Variants in SYT11 observed in about 807,000 individuals in gnomAD.
The protein encoded by SYT11 is synaptotagmin 11, also known as synaptotagmin-11.
In SYT11, 12 loss-of-function variants were observed where a neutral mutation model predicts 30.4. That is an observed-to-expected ratio of 0.39 (90% CI 0.25 to 0.64). The LOEUF is 0.64. Among genes scored for constraint, SYT11 ranks in the 30% least tolerant of loss-of-function variants. The pLI, the probability that SYT11 is intolerant of heterozygous loss-of-function variation, is 0.45. For missense variants in SYT11, 412 were observed against 552.0 expected, an observed-to-expected ratio of 0.75 and a Z score of 2.54; for synonymous variants, 204 against 216.0, an observed-to-expected ratio of 0.94 and a Z score of 0.49.
Position 155,859,723 on chromosome 1 carries a change from C to A in SYT11, c.-39C>A. The A allele has an allele frequency of 6.2e-7, 1 of 1,609,504 alleles. No homozygotes were observed. The highest frequency in any genetic ancestry group is 8.5e-7 in the Non-Finnish European group (1 of 1,175,772). On this transcript the variant is annotated 5_prime_UTR_variant, in exon 1 of 4. Transcript: ENST00000368324. ...CCGAGGGTTCCCAGAGCTGTCTCAC[C>A]ATTGCAAAAACGTTATAGCAACAGC...
At chr1:155,876,204 T>C (rs893123432) in intron 2 of SYT11, among the ~76,000 whole-genome samples, 11 of 151,836 alleles carry the variant, frequency 7.2e-5, no homozygotes, top group Non-Finnish European at 1.3e-4. Context: ...ATTTAACTTA[T>C]TATGTTCTAC....
chr1:155,868,143 C>T lies in SYT11; in HGVS notation c.213C>T (p.Asn71=). 1 of 1,614,080 alleles carries T rather than the reference C, an allele frequency of 6.2e-7. No homozygotes were observed. Among genetic ancestry groups the T allele is most frequent in the Non-Finnish European group, 8.5e-7 (1 of 1,180,020 alleles). ...GISIYPETLS[N]KKKIIKVRRD... Reference sequence around the variant, plus strand: ...GCATATACCCAGAGACCCTCAGCAACAAGAAGAAAATCATCAAAGTGCGGA... The same window carrying T: ...GCATATACCCAGAGACCCTCAGCAATAAGAAGAAAATCATCAAAGTGCGGA... Residue 71 remains asparagine, a synonymous_variant, in exon 2 of 4, where the codon AAC becomes AAT. Transcript: ENST00000368324. The surrounding 1 kb of genome is among the most constrained non-coding windows in gnomAD (Gnocchi z 4.7).
chr1:155,880,480 C>T lies in SYT11; in HGVS notation c.862-20C>T, dbSNP rs757924459. On this transcript the variant is annotated intron_variant, in intron 2 of 3. Coordinates refer to ENST00000368324, the MANE Select transcript of SYT11 (RefSeq NM_152280.5). ...CTGCACCCTCTGCCAGGATTCTCAC[C>T]TGCCATTTTTTCCTCACAGAAGTGC... The T allele has an allele frequency of 6.2e-7, 1 of 1,613,012 alleles. No homozygotes were observed. The highest frequency in any genetic ancestry group is 1.7e-5 in the Admixed American group (1 of 59,978).
chr1:155,880,427 C>A, intron 2 of SYT11, 73 bp from the exon 3 acceptor site: 1 of 1,579,572 alleles, frequency 6.3e-7, no homozygotes, highest in East Asian at 2.3e-5. Context: ...ACTCTTCCCA[C>A]TGCTCTGCAC....
Position 155,881,475 on chromosome 1 carries a change from T to C in SYT11, c.1263T>C (p.Pro421=), listed in dbSNP as rs745428450. 6.2e-7 allele frequency: 1 copy of C among 1,610,970 alleles called. No homozygotes were observed. Among genetic ancestry groups the C allele is most frequent in the South Asian group, 1.1e-5 (1 of 91,020 alleles). The change falls in exon 4 of 4, where the codon CCT becomes CCC. Residue 421 remains proline, a synonymous_variant. Coordinates refer to ENST00000368324, the MANE Select transcript of SYT11 (RefSeq NM_152280.5). ...AGGTCTGCGAGAGCCCCCGCAAGCC[T>C]GTGGCCAAGTGGCACAGTCTGAGCG... ...WREVCESPRK[P]VAKWHSLSEY
intron 1 of SYT11, 147 bp downstream of exon 1, chr1:155,859,942 G>A: frequency 1.3e-6 from 1 of 785,380 alleles, no homozygotes; most frequent in Non-Finnish European, 2.2e-6. Flanking sequence ...GGTGGGTAGT[G>A]GGTAGTGGGC....
chr1:155,879,214 C>T (rs185950886), intron 2 of SYT11, among the ~76,000 whole-genome samples: 4 of 151,994 alleles, frequency 2.6e-5, no homozygotes, highest in Non-Finnish European at 5.9e-5. Flanking sequence ...GTCAGGAGTT[C>T]GAGACCAGCC....
At chr1:155,877,390 C>T (rs1463154786) in intron 2 of SYT11, among the ~76,000 whole-genome samples, 2 of 151,994 alleles carry the variant, frequency 1.3e-5, no homozygotes, top group African/African-American at 4.8e-5. Flanking sequence ...AGTCGTGAGC[C>T]ACTGCGCCCA....
rs1468138183 is a variant in SYT11 at position 155,877,850 on chromosome 1, C to CCGGCTATAG, written c.862-2645_862-2637dup. Among the ~76,000 whole-genome samples, 2 of 152,258 alleles carry CCGGCTATAG rather than the reference C, an allele frequency of 1.3e-5. 1 individual carries two copies. ...GGATTACAGGCATGAGCCACTGCTC[C>CCGGCTATAG]CGGCTATAGCGGCCTCTTAACTGAG... On this transcript the variant is annotated intron_variant, in intron 2 of 3. Transcript: ENST00000368324.
chr1:155,867,895 A>G, intron 1 of SYT11, 70 bp from the exon 2 acceptor site: 1 of 1,173,002 alleles, frequency 8.5e-7, no homozygotes, highest in Non-Finnish European at 1.2e-6. Flanking sequence ...AGCAGTGGCA[A>G]TGAGCAGGGG....
rs1450512882 is a variant in SYT11, at chr1:155,880,542, C to T, written c.904C>T (p.Gln302Ter). The T allele has an allele frequency of 6.2e-7, 1 of 1,614,126 alleles. No individual in the cohort carries two copies. The highest frequency in any genetic ancestry group is 8.5e-7 in the Non-Finnish European group (1 of 1,179,982). Reference sequence around the variant, plus strand: ...GGAGCTCCAGGTGTCTCTGTCATATCAGCCTGTGGCACAGAGAATGACAGT... The same window carrying T: ...GGAGCTCCAGGTGTCTCTGTCATATTAGCCTGTGGCACAGAGAATGACAGT... ...RGELQVSLSY[Q>*]PVAQRMTVVV... Residue 302 changes from glutamine (Q) to a stop codon, truncating the protein, a stop_gained, in exon 3 of 4, where the codon CAG becomes TAG. Transcript: ENST00000368324. LOFTEE classifies it high-confidence loss of function.
intron 2 of SYT11, among the ~76,000 whole-genome samples, chr1:155,880,142 A>G (rs987021544): frequency 1.3e-5 from 2 of 152,178 alleles, no homozygotes; most frequent in African/African-American, 4.8e-5. Flanking sequence ...CAGTGAGCCA[A>G]GATCACGTCA....
At chr1:155,876,407 G>A (rs932083221) in intron 2 of SYT11, among the ~76,000 whole-genome samples, 2 of 151,640 alleles carry the variant, frequency 1.3e-5, no homozygotes, top group African/African-American at 4.8e-5. Context: ...CACCACGCCC[G>A]GCTAATTTTT....
chr1:155,879,823 G>C (rs1672932657), intron 2 of SYT11, among the ~76,000 whole-genome samples: 1 of 152,214 alleles, frequency 6.6e-6, no homozygotes, highest in Admixed American at 6.5e-5. Flanking sequence ...TATGTGGTAG[G>C]TACAACCTTT....
intron 1 of SYT11, among the ~76,000 whole-genome samples, chr1:155,865,983 A>C (rs78444759): frequency 0.036 from 5,543 of 152,282 alleles, 170 homozygotes; most frequent in South Asian, 0.065. Context: ...TGGACCTTTA[A>C]AGCCTAAACC....
chr1:155,870,056 G>T (rs1158920974), intron 2 of SYT11, among the ~76,000 whole-genome samples: 2 of 152,196 alleles, frequency 1.3e-5, no homozygotes, highest in Non-Finnish European at 1.5e-5. Context: ...GATTGCCCTT[G>T]AAGAGGTTTC....
rs759130814 is a variant in SYT11, at chr1:155,881,236, C to T, written c.1024C>T (p.Arg342Cys). 3 of 1,614,146 alleles carry T rather than the reference C, an allele frequency of 1.9e-6. No individual in the cohort carries two copies. The highest frequency in any genetic ancestry group is 2.2e-5 in the South Asian group (2 of 91,074). Residue 342 changes from arginine to cysteine, a missense_variant, in exon 4 of 4, where the codon CGC becomes TGC. Transcript: ENST00000368324. ...VKVNVYYGRK[R>C]IAKKKTHVKK... The stretch of plus-strand genomic sequence containing the variant: ...GGTGAACGTCTACTACGGCAGAAAG[C>T]GCATTGCCAAGAAGAAAACCCATGT...
intron 1 of SYT11, among the ~76,000 whole-genome samples, chr1:155,863,365 A>C (rs1672622190): frequency 6.6e-6 from 1 of 152,062 alleles, no homozygotes; most frequent in African/African-American, 2.4e-5. Flanking sequence ...GGGTAGTAAG[A>C]TTGCTTGAGC....
rs781147465 is a variant in SYT11 at position 155,880,521 on chromosome 1, C to G, written c.883C>G (p.Leu295Val). 1 of 1,613,948 alleles carries G rather than the reference C, an allele frequency of 6.2e-7. No homozygotes were observed. Among genetic ancestry groups the G allele is most frequent in the Non-Finnish European group, 8.5e-7 (1 of 1,179,956 alleles). The change falls in exon 3 of 4, where the codon CTC becomes GTC. Residue 295 changes from leucine (L) to valine (V), a missense_variant. By Grantham distance (32) the Leu-to-Val change is conservative. Transcript: ENST00000368324. ...NIQKCISRGE[L>V]QVSLSYQPVA... ...ACAGAAGTGCATCAGCAGAGGGGAG[C>G]TCCAGGTGTCTCTGTCATATCAGCC...
Sources: gnomAD v4.1 joint callset for allele counts (sites outside exome capture counted in the v4.1 genomes callset) on GRCh38, gnomAD v4.1.1 for gene constraint, Gnocchi (gnomAD v3.1) non-coding constraint, MANE v1.5 for transcripts, NCBI Gene and HGNC (gene_info 2026-07-23, HGNC 2026-07-21) for gene names.